The following INPP4B variants were observed in gnomAD, a reference collection of about 807,000 sequenced individuals.
The protein encoded by INPP4B is inositol polyphosphate-4-phosphatase type II B, also known as inositol polyphosphate 4-phosphatase type II.
INPP4B carries 55 observed loss-of-function variants against 122.5 expected under a neutral mutation model. The ratio of observed to expected loss-of-function variants is 0.45; its 90% CI spans 0.36 to 0.56. The LOEUF (loss-of-function observed/expected upper bound fraction) is 0.56. Ranked by LOEUF, INPP4B falls within the 20% of genes least tolerant of loss-of-function variation. The pLI, the probability that INPP4B is intolerant of heterozygous loss-of-function variation, is 0.00. For synonymous variants in INPP4B, 403 were observed against 388.7 expected (o/e 1.04, Z -0.43); for missense variants, 1,000 against 1,097.7 (o/e 0.91, Z 1.26).
At chr4:142,748,821 A>G (rs35416729) in intron 1 of INPP4B, among the ~76,000 whole-genome samples, 4,076 of 152,174 alleles carry the variant, frequency 0.027, 61 homozygotes, top group South Asian at 0.05. Context: ...AGCACAAAAC[A>G]ACAGCAGAAG....
intron 21 of INPP4B, among the ~76,000 whole-genome samples, chr4:142,121,429 C>T (rs1796508937): frequency 1.3e-5 from 2 of 152,058 alleles, no homozygotes; most frequent in South Asian, 4.1e-4. Flanking sequence ...AACATGACCC[C>T]AGAATGTTTC....
At chr4:142,399,705 G>C (rs953205112) in intron 7 of INPP4B, among the ~76,000 whole-genome samples, 1 of 152,074 alleles carries the variant, frequency 6.6e-6, no homozygotes, top group East Asian at 1.9e-4. Flanking sequence ...CCTAGCCATG[G>C]GCTTCAATTT....
intron 18 of INPP4B, among the ~76,000 whole-genome samples, chr4:142,143,680 C>A (rs563153412): frequency 6.6e-6 from 1 of 152,096 alleles, no homozygotes; most frequent in Admixed American, 6.6e-5. Context: ...CTCTTCCTTA[C>A]AAAATAATTC....
chr4:142,238,822 C>T (rs763633693), intron 11 of INPP4B, among the ~76,000 whole-genome samples: 5 of 152,106 alleles, frequency 3.3e-5, no homozygotes, highest in Non-Finnish European at 7.4e-5. Flanking sequence ...TCATACCACA[C>T]TTTCAAGTCA....
intron 7 of INPP4B, among the ~76,000 whole-genome samples, chr4:142,374,820 T>C (rs1791239394): frequency 1.3e-5 from 2 of 151,902 alleles, no homozygotes; most frequent in African/African-American, 4.8e-5. Flanking sequence ...AGGCATTTTA[T>C]TATTTCTCAT....
chr4:142,389,302 A>G (rs1332417554), intron 7 of INPP4B, among the ~76,000 whole-genome samples: 4 of 151,968 alleles, frequency 2.6e-5, no homozygotes, highest in African/African-American at 9.7e-5. Context: ...AAAATCTTAC[A>G]ACTACTGGAT....
chr4:142,836,901 C>T (rs183330242), intron 1 of INPP4B, among the ~76,000 whole-genome samples: 45 of 152,240 alleles, frequency 3.0e-4, no homozygotes, highest in African/African-American at 1.1e-3. Context: ...CGTGGTGGCT[C>T]ATGCCTGTAA....
At chr4:142,257,167 A>G (rs1181162102) in intron 11 of INPP4B, among the ~76,000 whole-genome samples, 1 of 152,198 alleles carries the variant, frequency 6.6e-6, no homozygotes, top group African/African-American at 2.4e-5. Context: ...CCTTCATGCT[A>G]AAAACTCTCA....
chr4:142,264,072 A>G (rs905760531), intron 10 of INPP4B, among the ~76,000 whole-genome samples: 1 of 152,074 alleles, frequency 6.6e-6, no homozygotes, highest in Non-Finnish European at 1.5e-5. Context: ...TTGAGTTTAT[A>G]CTTTCAGAGA....
chr4:142,494,603 T>C (rs964203779), intron 2 of INPP4B, among the ~76,000 whole-genome samples: 2 of 152,220 alleles, frequency 1.3e-5, no homozygotes, highest in Non-Finnish European at 1.5e-5. Context: ...TATAGAACTC[T>C]GATTGATAGC....
intron 9 of INPP4B, among the ~76,000 whole-genome samples, chr4:142,291,088 A>T (rs1756280565): frequency 6.6e-6 from 1 of 152,194 alleles, no homozygotes; most frequent in Non-Finnish European, 1.5e-5. Context: ...GTTTCTAAAG[A>T]CTTATTCTTT....
At chr4:142,538,814 A>G (rs1020996153) in intron 2 of INPP4B, among the ~76,000 whole-genome samples, 8 of 152,062 alleles carry the variant, frequency 5.3e-5, no homozygotes, top group African/African-American at 1.2e-4. Context: ...CATGTGTCCT[A>G]TTGAAATAAG....
At chr4:142,043,185 T>G (rs1379119373) in intron 25 of INPP4B, among the ~76,000 whole-genome samples, 2 of 152,164 alleles carry the variant, frequency 1.3e-5, no homozygotes, top group Non-Finnish European at 2.9e-5. Flanking sequence ...TTAATTCCAC[T>G]CTACCATGCA....
intron 10 of INPP4B, among the ~76,000 whole-genome samples, chr4:142,266,965 C>T (rs1386173013): frequency 6.6e-6 from 1 of 151,996 alleles, no homozygotes; most frequent in Non-Finnish European, 1.5e-5. Context: ...CAATCCCATT[C>T]ACTTTAAAAA....
At chr4:142,197,041 G>T (rs1385501604) in intron 14 of INPP4B, among the ~76,000 whole-genome samples, 2 of 131,360 alleles carry the variant, frequency 1.5e-5, no homozygotes, top group South Asian at 2.4e-4. Context: ...CAGGAGAATC[G>T]CATGAACCTA....
rs1240157005 is a variant in INPP4B at position 142,261,581 on chromosome 4, G to T, written c.616-1017C>A. 2.6e-5 allele frequency among the ~76,000 whole-genome samples: 4 copies of T among 152,040 alleles called. 1 individual carries two copies. On this transcript the variant is annotated intron_variant, in intron 10 of 25. Coordinates refer to ENST00000262992, the MANE Select transcript of INPP4B (RefSeq NM_001101669.3). Reference sequence around the variant, plus strand: ...AAGTTTTGCATGGCTCTGCTCAAGGGGCTCTGAGGGCTCAGACAAGCTTCT... The same window carrying T: ...AAGTTTTGCATGGCTCTGCTCAAGGTGCTCTGAGGGCTCAGACAAGCTTCT...
chr4:142,223,556 T>C (rs1424007064), intron 12 of INPP4B, among the ~76,000 whole-genome samples: 1 of 152,164 alleles, frequency 6.6e-6, no homozygotes, highest in African/African-American at 2.4e-5. Flanking sequence ...AATATCCAAA[T>C]AGGAGAATAA....
chr4:142,510,807 G>A (rs1483227075), intron 2 of INPP4B, among the ~76,000 whole-genome samples: 7 of 152,148 alleles, frequency 4.6e-5, no homozygotes, highest in African/African-American at 1.7e-4. Context: ...TAGTGTATGA[G>A]AAGTAAAATT....
intron 2 of INPP4B, among the ~76,000 whole-genome samples, chr4:142,688,478 A>G (rs886871188): frequency 1.3e-5 from 2 of 152,066 alleles, no homozygotes; most frequent in African/African-American, 4.8e-5. Context: ...ATCCTCCCAT[A>G]TCCTTTCCTG....
Sources: allele counts gnomAD v4.1 joint callset (sites outside exome capture counted in the v4.1 genomes callset), GRCh38; gene constraint gnomAD v4.1.1; transcripts MANE v1.5; gene names NCBI Gene and HGNC (gene_info 2026-07-23, HGNC 2026-07-21).